Variants in AOPEP observed in about 807,000 individuals in gnomAD.
AOPEP encodes aminopeptidase O.
A neutral mutation model predicts 98.1 loss-of-function variants in AOPEP; 77 were observed. The observed-to-expected ratio is 0.78, with a 90% CI of 0.65 to 0.95. The LOEUF is 0.95. Among genes scored for constraint, AOPEP ranks in the 40% least tolerant of loss-of-function variants. The pLI is 0.00. For missense variants in AOPEP, 1,024 were observed against 1,024.7 expected, an observed-to-expected ratio of 1.00 and a Z score of 0.01; for synonymous variants, 346 against 365.3, an observed-to-expected ratio of 0.95 and a Z score of 0.60.
chr9:94,736,637 G>C (rs1358701326), intron 1 of AOPEP, among the ~76,000 whole-genome samples: 1 of 152,142 alleles, frequency 6.6e-6, no homozygotes, highest in Non-Finnish European at 1.5e-5. Context: ...TCACTGGGTG[G>C]TCTGATACCA....
At chr9:95,115,475 A>G in the AOPEP span, among the ~76,000 whole-genome samples, 4 of 152,248 alleles carry the variant, frequency 2.6e-5, no homozygotes, top group East Asian at 5.8e-4. Context: ...TGAATTCACA[A>G]TATGATTTCA....
chr9:95,138,330 G>A, the AOPEP span, among the ~76,000 whole-genome samples: 1 of 152,224 alleles, frequency 6.6e-6, no homozygotes, highest in Non-Finnish European at 1.5e-5. Flanking sequence ...CCGTGCCTGT[G>A]CTTATGCCCC....
chr9:94,871,256 C>T (rs547403131), intron 5 of AOPEP, among the ~76,000 whole-genome samples: 1 of 152,324 alleles, frequency 6.6e-6, no homozygotes, highest in Non-Finnish European at 1.5e-5. Flanking sequence ...GTAATGCCAC[C>T]ACTCAAGTGA....
At chr9:95,135,806 G>A in the AOPEP span, among the ~76,000 whole-genome samples, 1 of 152,212 alleles carries the variant, frequency 6.6e-6, no homozygotes, top group Admixed American at 6.5e-5. Context: ...AAACGGGATG[G>A]AAAAGGCCTC....
chr9:94,804,258 G>A (rs562721002), intron 5 of AOPEP, among the ~76,000 whole-genome samples: 1 of 152,332 alleles, frequency 6.6e-6, no homozygotes, highest in African/African-American at 2.4e-5. Flanking sequence ...ACCTTTGTAT[G>A]TGTGTATAGG....
intron 5 of AOPEP, among the ~76,000 whole-genome samples, chr9:94,873,777 G>A (rs769848156): frequency 3.9e-5 from 6 of 152,136 alleles, no homozygotes; most frequent in Non-Finnish European, 7.3e-5. Context: ...TCTTTGATAT[G>A]ATATTGTCTT....
intron 2 of AOPEP, among the ~76,000 whole-genome samples, chr9:94,764,401 C>T (rs2132581237): frequency 6.6e-6 from 1 of 152,320 alleles, no homozygotes; most frequent in African/African-American, 2.4e-5. Context: ...AATCCTAGCA[C>T]TTTGGGAGGC....
chr9:94,742,783 A>G (rs1427785848), intron 1 of AOPEP, among the ~76,000 whole-genome samples: 2 of 151,986 alleles, frequency 1.3e-5, no homozygotes, highest in African/African-American at 4.8e-5. Flanking sequence ...TTTATGTTGA[A>G]TCTAATACAA....
chr9:95,022,783 GTTTTCT>G (rs920356764), intron 13 of AOPEP, among the ~76,000 whole-genome samples: 40 of 152,248 alleles, frequency 2.6e-4, no homozygotes, highest in African/African-American at 9.4e-4. Flanking sequence ...TTTTGATGTA[GTTTTCT>G]TAGCAGGAAA....
At chr9:94,965,503 T>C (rs72750343) in intron 9 of AOPEP, among the ~76,000 whole-genome samples, 9,229 of 152,314 alleles carry the variant, frequency 0.061, 813 homozygotes, top group African/African-American at 0.19. Flanking sequence ...TTCTGTGTGA[T>C]GATAGAAGAA....
At chr9:95,109,920 A>G in the AOPEP span, among the ~76,000 whole-genome samples, 1 of 152,244 alleles carries the variant, frequency 6.6e-6, no homozygotes, top group African/African-American at 2.4e-5. Flanking sequence ...CGTATCATTC[A>G]TTAAACTAAA....
intron 11 of AOPEP, among the ~76,000 whole-genome samples, chr9:94,982,564 A>AATTTTT (rs1564480333): frequency 0.026 from 3,624 of 139,394 alleles, 184 homozygotes; most frequent in African/African-American, 0.1. Flanking sequence ...CAAGAGCAAT[A>AATTTTT]CTTTTTTTTT....
chr9:95,062,984 C>T (rs1160116715), intron 14 of AOPEP, among the ~76,000 whole-genome samples: 2 of 152,226 alleles, frequency 1.3e-5, no homozygotes, highest in African/African-American at 4.8e-5. Flanking sequence ...CTTGCCACCC[C>T]TCTGCAGGGC....
chr9:95,083,836 G>A (rs1214803402), intron 16 of AOPEP, among the ~76,000 whole-genome samples: 3 of 152,226 alleles, frequency 2.0e-5, no homozygotes, highest in African/African-American at 2.4e-5. Context: ...GTGTTGGAGC[G>A]GAATTTCTCC....
At chr9:94,936,421 C>T (rs1241328938) in intron 7 of AOPEP, among the ~76,000 whole-genome samples, 1 of 152,154 alleles carries the variant, frequency 6.6e-6, no homozygotes, top group Non-Finnish European at 1.5e-5. Flanking sequence ...ATTTATCTTC[C>T]CACAGTCTGG....
At chr9:94,779,419 T>G (rs559616956) in intron 3 of AOPEP, among the ~76,000 whole-genome samples, 1 of 152,318 alleles carries the variant, frequency 6.6e-6, no homozygotes, top group South Asian at 2.1e-4. Flanking sequence ...AGCCTTGTGT[T>G]TGACAATGTT....
chr9:95,112,132 A>AGTT, the AOPEP span, among the ~76,000 whole-genome samples: 1 of 152,370 alleles, frequency 6.6e-6, no homozygotes, highest in South Asian at 2.1e-4. Context: ...AATGCCAGAA[A>AGTT]GTTGAAGTGT....
At chr9:94,960,836 C>T (rs1484188459) in intron 9 of AOPEP, among the ~76,000 whole-genome samples, 2 of 151,950 alleles carry the variant, frequency 1.3e-5, no homozygotes, top group African/African-American at 4.8e-5. Context: ...CACGGTGAAA[C>T]CCCGTCTCTA....
intron 15 of AOPEP, among the ~76,000 whole-genome samples, chr9:95,082,150 G>C (rs1011701090): frequency 1.1e-4 from 17 of 152,074 alleles, no homozygotes; most frequent in African/African-American, 4.1e-4. Flanking sequence ...AGGACTTCCC[G>C]GATGAGCTCA....
Sources: gnomAD v4.1 joint callset for allele counts (sites outside exome capture counted in the v4.1 genomes callset) on GRCh38, gnomAD v4.1.1 for gene constraint, MANE v1.5 for transcripts, NCBI Gene and HGNC (gene_info 2026-07-23, HGNC 2026-07-21) for gene names.